DAB2IP: variants seen among roughly 807,000 people sequenced by gnomAD.
DAB2IP encodes disabled homolog 2-interacting protein.
Under a neutral mutation model 107.2 loss-of-function variants are expected in DAB2IP, and 28 were observed. That is an observed-to-expected ratio of 0.26 (90% CI 0.19 to 0.36). DAB2IP has a LOEUF of 0.36. Among genes scored for constraint, DAB2IP ranks in the 10% least tolerant of loss-of-function variants. The pLI, the probability that DAB2IP is intolerant of heterozygous loss-of-function variation, is 1.00. For synonymous variants in DAB2IP, 755 were observed against 706.4 expected (o/e 1.07, Z -1.09); for missense variants, 1,400 against 1,644.7 (o/e 0.85, Z 2.57).
intron 3 of DAB2IP, among the ~76,000 whole-genome samples, chr9:121,710,058 T>C (rs189278083): frequency 6.6e-6 from 1 of 152,182 alleles, no homozygotes; most frequent in East Asian, 2.0e-4. Flanking sequence ...GTGAGTTGCA[T>C]GGCCAGAAAT....
chr9:121,720,331 G>A (rs142608465), intron 3 of DAB2IP, among the ~76,000 whole-genome samples: 247 of 152,320 alleles, frequency 1.6e-3, no homozygotes, highest in East Asian at 3.1e-3. Flanking sequence ...CCCAGCACAG[G>A]TGCCCAGTAA....
In DAB2IP at chr9:121,772,623, C is replaced by G. The variant is rs374349526; in HGVS notation, c.2095C>G (p.Arg699Gly). The stretch of plus-strand genomic sequence containing the variant: ...TCCCTGCAGTCTGATAGATTTCACC[C>G]GGTTACCGTCTCCAACCCCCGAAAA... Residue 699 changes from arginine (R) to glycine (G), a missense_variant, in exon 12 of 16, where the codon CGG (arginine) becomes GGG (glycine). Coordinates refer to ENST00000408936, the Ensembl canonical transcript of DAB2IP. The surrounding 1 kb of genome is among the most constrained non-coding windows in gnomAD (Gnocchi z 4.7). 1 of 1,613,086 alleles carries G rather than the reference C, an allele frequency of 6.2e-7. No individual in the cohort carries two copies. The highest frequency in any genetic ancestry group is 8.5e-7 in the Non-Finnish European group (1 of 1,179,500).
In DAB2IP at chr9:121,736,020, T is replaced by C. The variant is rs531882815; in HGVS notation, c.363-20993T>C. Among the ~76,000 whole-genome samples, 8 of 152,322 alleles carry C rather than the reference T, an allele frequency of 5.3e-5. No individual in the cohort carries two copies. Among genetic ancestry groups the C allele is most frequent in the Non-Finnish European group, 7.3e-5 (5 of 68,030 alleles). ...TGTCCTGCCGGACTAGCCGGGTGCT[T>C]TCCAGAAGAGAAAACCCGGGACTGC... On this transcript the variant is annotated intron_variant, in intron 3 of 15. Coordinates refer to ENST00000408936, the Ensembl canonical transcript of DAB2IP. This position sits in a 1 kb window ranked among gnomAD's most constrained non-coding sequence, Gnocchi z 4.6.
chr9:121,621,976 T>TTTTCTTTCTTTC (rs1564116755), intron 1 of DAB2IP, among the ~76,000 whole-genome samples: 10 of 148,468 alleles, frequency 6.7e-5, no homozygotes, highest in African/African-American at 2.5e-4. Context: ...TCTTTTTCTT[T>TTTTCTTTCTTTC]TTTCTTTCTT....
At chr9:121,644,647 AAAAAG>A (rs909655523) in intron 1 of DAB2IP, among the ~76,000 whole-genome samples, 1 of 152,166 alleles carries the variant, frequency 6.6e-6, no homozygotes, top group Non-Finnish European at 1.5e-5. Flanking sequence ...AAAAGAAAAG[AAAAAG>A]AAAAGAGCCA....
At chr9:121,665,221 G>A (rs1214151378) in intron 1 of DAB2IP, among the ~76,000 whole-genome samples, 1 of 152,106 alleles carries the variant, frequency 6.6e-6, no homozygotes, top group East Asian at 1.9e-4. Flanking sequence ...AAATAAACAT[G>A]GGTTGGACAT....
At position 121,736,258 on chromosome 9, in the gene DAB2IP, C is replaced by T. The variant is rs1831898619; in HGVS notation, c.363-20755C>T. On this transcript the variant is annotated intron_variant, in intron 3 of 15. Coordinates refer to ENST00000408936, the Ensembl canonical transcript of DAB2IP. The surrounding 1 kb of genome is among the most constrained non-coding windows in gnomAD (Gnocchi z 4.6). ...TGCGCTGGTCTAAGCCCGACGAACC[C>T]GGGGTGGGGCCAGCGGGCCAAACTG... Among the ~76,000 whole-genome samples, 2 of 152,144 alleles carry T rather than the reference C, an allele frequency of 1.3e-5. No individual in the cohort carries two copies. The highest frequency in any genetic ancestry group is 2.4e-5 in the African/African-American group (1 of 41,438).
Position 121,637,935 on chromosome 9 carries a change from T to A in DAB2IP, c.41-40743T>A, listed in dbSNP as rs868126294. 1.1e-4 allele frequency among the ~76,000 whole-genome samples: 17 copies of A among 152,286 alleles called. 1 individual carries two copies. The South Asian group carries it at 2.9e-3, about 26-fold the overall frequency. On this transcript the variant is annotated intron_variant, in intron 1 of 16. Coordinates refer to the DAB2IP transcript ENST00000259371. ...TTTTGCTGTGAGCCTGGCAGGTTCA[T>A]GATGCACGAGGCCCAGGGGTCCGAG...
Position 121,770,427 on chromosome 9 carries a change from G to A in DAB2IP, c.1900-119G>A, listed in dbSNP as rs528535333. The A allele has an allele frequency of 3.5e-6, 4 of 1,133,022 alleles. No homozygotes were observed. The East Asian group carries it at 7.7e-5, about 22-fold the overall frequency. 70.2% of individuals were successfully genotyped at this position (1,133,022 alleles called of 1,614,324 possible). On this transcript the variant is annotated intron_variant, in intron 10 of 15. Coordinates refer to ENST00000408936, the Ensembl canonical transcript of DAB2IP. ...ACCCAGTGGCTCTGACTGGCAGCAG[G>A]TGGGGATCTGCACTTCTGACAGGCT...
In DAB2IP at chr9:121,699,313, C is replaced by T; in HGVS notation, c.229-12C>T. Reference sequence around the variant, plus strand: ...CCGCCTCCCCTTCCCCCTCTTGTCCCCCCGTGCGCAGGGCTTCCTCAGCCG... The same window carrying T: ...CCGCCTCCCCTTCCCCCTCTTGTCCTCCCGTGCGCAGGGCTTCCTCAGCCG... On this transcript the variant is annotated splice_polypyrimidine_tract_variant and intron_variant, in intron 2 of 15. Transcript: ENST00000408936. The surrounding 1 kb of genome is among the most constrained non-coding windows in gnomAD (Gnocchi z 6.2). 1.4e-6 allele frequency: 2 copies of T among 1,436,026 alleles called. No individual in the cohort carries two copies. Among genetic ancestry groups the T allele is most frequent in the South Asian group, 2.7e-5 (2 of 74,532 alleles). 89.0% of individuals were successfully genotyped at this position (1,436,026 alleles called of 1,614,324 possible).
chr9:121,707,220 T>C (rs1244858639), intron 3 of DAB2IP, among the ~76,000 whole-genome samples: 2 of 151,878 alleles, frequency 1.3e-5, no homozygotes, highest in Admixed American at 6.6e-5. Context: ...AATAACTGAG[T>C]GTGCTTAAAT....
chr9:121,750,458 C>A (rs907347350), intron 3 of DAB2IP, among the ~76,000 whole-genome samples: 30 of 152,334 alleles, frequency 2.0e-4, no homozygotes, highest in Admixed American at 1.8e-3. Context: ...TGCTTGCACA[C>A]TTTCAGAGAC....
In DAB2IP at chr9:121,593,760, C is replaced by T. The variant is rs557423400; in HGVS notation, c.40+26532C>T. ...TCGGCTCACTGCAACCTCCACCTTC[C>T]AGGTTCAAGCGATTCTCCTGCCTCA... is the stretch of plus-strand genomic sequence containing the variant. On this transcript the variant is annotated intron_variant, in intron 1 of 16. Transcript: ENST00000259371. Among the ~76,000 whole-genome samples, 4 of 149,782 alleles carry T rather than the reference C, an allele frequency of 2.7e-5. No individual in the cohort carries two copies. The East Asian group carries it at 7.9e-4, about 30-fold the overall frequency.
chr9:121,579,331 C>G (rs7032859), intron 1 of DAB2IP, among the ~76,000 whole-genome samples: 22,766 of 152,118 alleles, frequency 0.15, 1,856 homozygotes, highest in East Asian at 0.24. Context: ...CCTACCCCCC[C>G]ACCCTGAGGA....
At chr9:121,622,564 C>T (rs1831511103) in intron 1 of DAB2IP, among the ~76,000 whole-genome samples, 1 of 152,160 alleles carries the variant, frequency 6.6e-6, no homozygotes, top group African/African-American at 2.4e-5. Context: ...CGGGAGCCCT[C>T]CACTGCCCTC....
intron 1 of DAB2IP, among the ~76,000 whole-genome samples, chr9:121,612,382 T>C (rs1162893713): frequency 6.6e-6 from 1 of 152,130 alleles, no homozygotes; most frequent in Non-Finnish European, 1.5e-5. Context: ...ATACACAGGG[T>C]CTCAAATTGG....
chr9:121,731,682 G>C (rs1473795314), intron 3 of DAB2IP, among the ~76,000 whole-genome samples: 1 of 152,086 alleles, frequency 6.6e-6, no homozygotes, highest in East Asian at 1.9e-4. Flanking sequence ...TGGGGCTGGG[G>C]CTGGGGCTGG....
intron 2 of DAB2IP, among the ~76,000 whole-genome samples, chr9:121,683,919 G>T (rs892137045): frequency 3.9e-5 from 6 of 152,152 alleles, no homozygotes; most frequent in African/African-American, 1.4e-4. Flanking sequence ...GTGCTGGATG[G>T]GTTCAGGGCC....
At chr9:121,663,647 T>C (rs190048593) in intron 1 of DAB2IP, among the ~76,000 whole-genome samples, 2 of 152,336 alleles carry the variant, frequency 1.3e-5, no homozygotes, top group East Asian at 1.9e-4. Context: ...CAGGCTATCA[T>C]AGTTCCATGG....
Sources: gnomAD v4.1 joint callset for allele counts (sites outside exome capture counted in the v4.1 genomes callset) on GRCh38, gnomAD v4.1.1 for gene constraint, Gnocchi (gnomAD v3.1) non-coding constraint, MANE v1.5 for transcripts, NCBI Gene and HGNC (gene_info 2026-07-23, HGNC 2026-07-21) for gene names.